The following IL34 variants were observed in gnomAD, a reference collection of about 807,000 sequenced individuals.
IL34 encodes the protein interleukin 34.
IL34 carries 17 observed loss-of-function variants against 25.3 expected under a neutral mutation model. That is an observed-to-expected ratio of 0.67 (90% CI 0.46 to 1.01). The LOEUF is 1.01. IL34 is among the 50% of genes least tolerant of loss of function. IL34 has a pLI of 0.00. For synonymous variants in IL34, 174 were observed against 140.9 expected (o/e 1.23, Z -1.66); for missense variants, 368 against 312.9 (o/e 1.18, Z -1.33).
At chr16:70,622,475 G>T (rs929981356) in intron 1 of IL34, among the ~76,000 whole-genome samples, 2 of 151,858 alleles carry the variant, frequency 1.3e-5, no homozygotes, top group African/African-American at 4.8e-5. Context: ...TCTGAGAGGC[G>T]GGCTAGTGGC....
chr16:70,620,137 T>A (rs2051249408), intron 1 of IL34, among the ~76,000 whole-genome samples: 1 of 152,188 alleles, frequency 6.6e-6, no homozygotes, highest in Non-Finnish European at 1.5e-5. Context: ...TTTGGAGTTT[T>A]ATTTAATGTC....
At chr16:70,638,696 C>T (rs1363418048) in intron 1 of IL34, among the ~76,000 whole-genome samples, 2 of 152,092 alleles carry the variant, frequency 1.3e-5, no homozygotes, top group African/African-American at 4.8e-5. Flanking sequence ...CTCCCGGGGT[C>T]AAGCCTCTTG....
At chr16:70,644,924 GAGGAAGGAGGAAGA>G (rs2051881395), upstream of IL34, among the ~76,000 whole-genome samples, 1 of 64,898 alleles carries the variant, frequency 1.5e-5, no homozygotes, top group Non-Finnish European at 2.8e-5. Flanking sequence ...GGAGAAGGAG[GAGGAAGGAGGAAGA>G]GGAGGAAGGA....
At chr16:70,626,497 A>G (rs922670740) in intron 1 of IL34, among the ~76,000 whole-genome samples, 1 of 152,134 alleles carries the variant, frequency 6.6e-6, no homozygotes, top group African/African-American at 2.4e-5. Flanking sequence ...CCCAGGTTCA[A>G]GTGATTGTCC....
At chr16:70,657,336 G>A (rs2052258028) in intron 4 of IL34, 1 of 568,840 alleles carries the variant, frequency 1.8e-6, no homozygotes, top group African/African-American at 1.9e-5. Flanking sequence ...CGGGCTCGGG[G>A]TGCAGGCGAT....
rs560880478 is a variant in IL34, at chr16:70,585,670, CAG to C, written c.-401+5624_-401+5625del. On this transcript the variant is annotated intron_variant, in intron 1 of 6. Coordinates refer to the IL34 transcript ENST00000429149. ...ACTCACTGTACTCCAGCCTAGGTGA[CAG>C]AGGGAGACTCTGTCTTAAAAAAAAA... Among the ~76,000 whole-genome samples the C allele has an allele frequency of 2.0e-3, 300 of 150,460 alleles. 1 individual carries two copies. Among genetic ancestry groups the C allele is most frequent in the African/African-American group, 6.9e-3 (283 of 40,830 alleles).
upstream of IL34, among the ~76,000 whole-genome samples, chr16:70,646,329 C>T (rs540394098): frequency 4.6e-5 from 7 of 152,264 alleles, no homozygotes; most frequent in East Asian, 1.4e-3. Flanking sequence ...CTTGGTCCTG[C>T]TTTTGTTCAG....
intron 3 of IL34, 72 bp downstream of exon 3, chr16:70,656,751 C>A: frequency 1.0e-6 from 1 of 965,222 alleles, no homozygotes. Context: ...CTCAGAGGCG[C>A]GCTGGGACTG....
At chr16:70,599,676 C>CTT (rs199683652) in intron 1 of IL34, among the ~76,000 whole-genome samples, 39 of 137,214 alleles carry the variant, frequency 2.8e-4, no homozygotes, top group African/African-American at 8.3e-4. Context: ...TGCACCCGGT[C>CTT]TTTTTTTTTT....
At chr16:70,639,691 A>G (rs1287958468) in intron 1 of IL34, among the ~76,000 whole-genome samples, 6 of 152,172 alleles carry the variant, frequency 3.9e-5, no homozygotes, top group Non-Finnish European at 7.4e-5. Context: ...GTGGTGACTC[A>G]CGCCTCTAAT....
intron 1 of IL34, among the ~76,000 whole-genome samples, chr16:70,653,297 G>T (rs561544372): frequency 3.6e-4 from 53 of 146,462 alleles, no homozygotes; most frequent in African/African-American, 1.3e-3. Flanking sequence ...AGGACCGCTT[G>T]ACACTAGGAG....
chr16:70,629,707 T>C (rs1375710816), intron 1 of IL34, among the ~76,000 whole-genome samples: 1 of 152,146 alleles, frequency 6.6e-6, no homozygotes, highest in Non-Finnish European at 1.5e-5. Flanking sequence ...TTTTTTCTTT[T>C]TTTTTTTAAT....
intron 1 of IL34, among the ~76,000 whole-genome samples, chr16:70,612,036 AAGAT>A (rs1175006215): frequency 2.6e-5 from 4 of 152,166 alleles, no homozygotes; most frequent in Non-Finnish European, 5.9e-5. Flanking sequence ...GTAAAAATAA[AAGAT>A]AGCCTTCTGT....
intron 1 of IL34, among the ~76,000 whole-genome samples, chr16:70,610,821 GA>G (rs2051079161): frequency 6.6e-6 from 1 of 152,326 alleles, no homozygotes; most frequent in East Asian, 1.9e-4. Flanking sequence ...GAGGAGGAAG[GA>G]GGGGCCCCCT....
chr16:70,645,781 C>T (rs868323775), upstream of IL34, among the ~76,000 whole-genome samples: 11 of 152,124 alleles, frequency 7.2e-5, no homozygotes, highest in South Asian at 1.0e-3. Flanking sequence ...TGGCCGGGTG[C>T]GGTGGCTCAC....
intron 1 of IL34, among the ~76,000 whole-genome samples, chr16:70,626,643 A>ACCTCAGGTGATCTGCCCG (rs2151844468): frequency 6.6e-6 from 1 of 152,022 alleles, no homozygotes; most frequent in Non-Finnish European, 1.5e-5. Flanking sequence ...TGATCTGCCC[A>ACCTCAGGTGATCTGCCCG]CCTCAGCCTC....
intron 1 of IL34, among the ~76,000 whole-genome samples, chr16:70,607,287 G>A (rs1242689636): frequency 6.6e-6 from 1 of 152,010 alleles, no homozygotes; most frequent in Non-Finnish European, 1.5e-5. Context: ...TATTTTTTTA[G>A]TAGAGACGGG....
intron 1 of IL34, among the ~76,000 whole-genome samples, chr16:70,604,309 T>C (rs1474801451): frequency 1.3e-5 from 2 of 152,178 alleles, no homozygotes; most frequent in Non-Finnish European, 2.9e-5. Flanking sequence ...TGCCCAAGAC[T>C]GTACTCACAA....
intron 1 of IL34, among the ~76,000 whole-genome samples, chr16:70,621,280 G>C (rs1038809645): frequency 2.0e-5 from 3 of 152,150 alleles, no homozygotes; most frequent in Non-Finnish European, 4.4e-5. Context: ...CCAAGGGAAG[G>C]CTGCCTTCCC....
Sources: gnomAD v4.1 joint callset for allele counts (sites outside exome capture counted in the v4.1 genomes callset) on GRCh38, gnomAD v4.1.1 for gene constraint, MANE v1.5 for transcripts, NCBI Gene and HGNC (gene_info 2026-07-23, HGNC 2026-07-21) for gene names.